ADGRB3: variants seen among roughly 807,000 people sequenced by gnomAD.
The protein encoded by ADGRB3 is adhesion G protein-coupled receptor B3, also known as brain-specific angiogenesis inhibitor 3.
ADGRB3 carries 37 observed loss-of-function variants against 193.4 expected under a neutral mutation model. That is an observed-to-expected ratio of 0.19 (90% confidence interval 0.15 to 0.25). ADGRB3 has a LOEUF of 0.25. Ranked by LOEUF, ADGRB3 falls within the 10% of genes least tolerant of loss-of-function variation. The pLI, the probability that ADGRB3 is intolerant of heterozygous loss-of-function variation, is 1.00. For synonymous variants in ADGRB3, 690 were observed against 644.2 expected (o/e 1.07, Z -1.08); for missense variants, 1,637 against 1,852.9 (o/e 0.88, Z 2.14).
At chr6:68,806,322 C>T (rs1767400967) in intron 3 of ADGRB3, among the ~76,000 whole-genome samples, 1 of 152,046 alleles carries the variant, frequency 6.6e-6, no homozygotes, top group African/African-American at 2.4e-5. Flanking sequence ...ATTTTGTATT[C>T]TGTGTATTCA....
chr6:69,195,020 G>A (rs1765267714), intron 17 of ADGRB3, among the ~76,000 whole-genome samples: 1 of 152,090 alleles, frequency 6.6e-6, no homozygotes, highest in Admixed American at 6.6e-5. Flanking sequence ...GTTTGAGTCG[G>A]CAGATACTTT....
intron 17 of ADGRB3, among the ~76,000 whole-genome samples, chr6:69,121,405 T>G (rs1773682377): frequency 6.6e-6 from 1 of 152,196 alleles, no homozygotes. Context: ...TGTCAACTTC[T>G]TTCTACACAG....
intron 3 of ADGRB3, among the ~76,000 whole-genome samples, chr6:68,890,870 T>C (rs558435004): frequency 6.6e-5 from 10 of 152,204 alleles, no homozygotes; most frequent in Non-Finnish European, 1.5e-4. Context: ...GTGGAAAGTT[T>C]AGCAGGCGAA....
chr6:68,747,374 A>G (rs1766104914), intron 3 of ADGRB3, among the ~76,000 whole-genome samples: 1 of 152,234 alleles, frequency 6.6e-6, no homozygotes, highest in Non-Finnish European at 1.5e-5. Flanking sequence ...AATACCAAAC[A>G]GTTATATAGC....
chr6:69,088,406 T>G (rs894820292), intron 17 of ADGRB3, among the ~76,000 whole-genome samples: 2 of 152,162 alleles, frequency 1.3e-5, no homozygotes, highest in Non-Finnish European at 2.9e-5. Flanking sequence ...GGAGTCTCGC[T>G]CTGTCACCCA....
At chr6:68,919,474 G>T (rs1291519404) in intron 3 of ADGRB3, among the ~76,000 whole-genome samples, 2 of 152,072 alleles carry the variant, frequency 1.3e-5, no homozygotes, top group Non-Finnish European at 2.9e-5. Context: ...GAGTGAGAGG[G>T]TGACAGTTAT....
chr6:68,789,735 T>C (rs964566793), intron 3 of ADGRB3, among the ~76,000 whole-genome samples: 1 of 152,182 alleles, frequency 6.6e-6, no homozygotes, highest in African/African-American at 2.4e-5. Flanking sequence ...CTGGATAATA[T>C]CCTGCAGAGT....
At chr6:68,653,436 G>T (rs1048769969) in intron 3 of ADGRB3, among the ~76,000 whole-genome samples, 3 of 152,008 alleles carry the variant, frequency 2.0e-5, no homozygotes, top group African/African-American at 7.2e-5. Context: ...ATGTAATAAG[G>T]TGATGGGCAT....
At chr6:68,876,740 T>C (rs895526443) in intron 3 of ADGRB3, among the ~76,000 whole-genome samples, 19 of 152,196 alleles carry the variant, frequency 1.2e-4, no homozygotes, top group Admixed American at 4.6e-4. Context: ...TTATGTATTG[T>C]CTTTCTCTGG....
At chr6:69,361,879 A>G (rs1769462470) in intron 29 of ADGRB3, among the ~76,000 whole-genome samples, 1 of 152,016 alleles carries the variant, frequency 6.6e-6, no homozygotes, top group Admixed American at 6.6e-5. Context: ...CTCAGGTACC[A>G]CAGGTCCTTT....
At chr6:68,893,829 C>T (rs1265879176) in intron 3 of ADGRB3, among the ~76,000 whole-genome samples, 5 of 151,950 alleles carry the variant, frequency 3.3e-5, no homozygotes, top group Non-Finnish European at 1.5e-5. Context: ...AATTTATAAA[C>T]AGATTATAAT....
At chr6:68,818,625 T>C (rs1767683207) in intron 3 of ADGRB3, among the ~76,000 whole-genome samples, 1 of 152,078 alleles carries the variant, frequency 6.6e-6, no homozygotes, top group African/African-American at 2.4e-5. Flanking sequence ...CTCAAAAGTT[T>C]TCTGAATCTC....
intron 17 of ADGRB3, among the ~76,000 whole-genome samples, chr6:69,107,705 A>G (rs1481786311): frequency 1.3e-5 from 2 of 152,186 alleles, no homozygotes; most frequent in East Asian, 3.8e-4. Context: ...GGAATACTAC[A>G]TAGCCATAAA....
chr6:69,169,609 TTAAA>T (rs1353719081), intron 17 of ADGRB3, among the ~76,000 whole-genome samples: 1 of 151,246 alleles, frequency 6.6e-6, no homozygotes, highest in African/African-American at 2.4e-5. Flanking sequence ...ATGATATAAA[TTAAA>T]TAAATACCAT....
chr6:68,925,137 A>G (rs1433339429), intron 3 of ADGRB3, among the ~76,000 whole-genome samples: 1 of 151,952 alleles, frequency 6.6e-6, no homozygotes, highest in Non-Finnish European at 1.5e-5. Context: ...TTTTCACAGA[A>G]CACTTGGCTA....
intron 17 of ADGRB3, among the ~76,000 whole-genome samples, chr6:69,124,212 A>C (rs1773795079): frequency 6.6e-6 from 1 of 152,100 alleles, no homozygotes; most frequent in Admixed American, 6.5e-5. Context: ...CTGTTCATGT[A>C]GCTGAAGATT....
chr6:68,653,941 T>C (rs1184617363), intron 3 of ADGRB3, among the ~76,000 whole-genome samples: 1 of 151,978 alleles, frequency 6.6e-6, no homozygotes, highest in African/African-American at 2.4e-5. Context: ...GTTATTTTAC[T>C]CCTTTTTTTT....
At chr6:68,705,190 T>C (rs1765304300) in intron 3 of ADGRB3, among the ~76,000 whole-genome samples, 1 of 152,236 alleles carries the variant, frequency 6.6e-6, no homozygotes, top group Non-Finnish European at 1.5e-5. Context: ...CCTAGCTATG[T>C]CATATTTTCA....
rs36084033 is a variant in ADGRB3 at position 69,308,741 on chromosome 6, A to AT, written c.2815-16122dup. On this transcript the variant is annotated intron_variant, in intron 20 of 31. Transcript: ENST00000370598. ...TTAGGAACTAATTTCCTTCTAACTG[A>AT]TTTTTTTTTCTGCCATACTAAATTT... 9.7e-4 allele frequency among the ~76,000 whole-genome samples: 146 copies of AT among 151,118 alleles called. 1 individual carries two copies. In the East Asian group the frequency reaches 0.018, roughly 18 times the overall value.
Sources: gnomAD v4.1 joint callset for allele counts (sites outside exome capture counted in the v4.1 genomes callset) on GRCh38, gnomAD v4.1.1 for gene constraint, MANE v1.5 for transcripts, NCBI Gene and HGNC (gene_info 2026-07-23, HGNC 2026-07-21) for gene names.